OR51B5: variants seen among roughly 807,000 people sequenced by gnomAD.
The protein encoded by OR51B5 is olfactory receptor family 51 subfamily B member 5.
For missense variants in OR51B5, 456 were observed against 374.6 expected (o/e 1.22, Z -1.79); for synonymous variants, 186 against 144.8 (o/e 1.28, Z -2.04).
chr11:5,389,977 C>T (rs1160728715), intron 1 of OR51B5: 2 of 1,612,382 alleles, frequency 1.2e-6, no homozygotes, highest in Admixed American at 1.7e-5. Flanking sequence ...TTTGCCTGCA[C>T]CAGGAAGTGA....
chr11:5,429,217 C>G (rs1850495398), intron 1 of OR51B5, among the ~76,000 whole-genome samples: 1 of 144,036 alleles, frequency 6.9e-6, no homozygotes, highest in African/African-American at 2.5e-5. Context: ...CTTGAAAAAC[C>G]CCAGCCTTTG....
chr11:5,480,845 C>A (rs1851407940), intron 1 of OR51B5, among the ~76,000 whole-genome samples: 1 of 107,670 alleles, frequency 9.3e-6, no homozygotes, highest in Non-Finnish European at 2.0e-5. Flanking sequence ...ATAACAGGAG[C>A]TGAAATTGTG....
chr11:5,358,232 T>G (rs1399649056), intron 1 of OR51B5, among the ~76,000 whole-genome samples: 1 of 151,738 alleles, frequency 6.6e-6, no homozygotes, highest in African/African-American at 2.4e-5. Flanking sequence ...TCAACAAAAT[T>G]GATAGACTGC....
upstream of OR51B5, among the ~76,000 whole-genome samples, chr11:5,345,385 AAAACTT>A (rs578107229): frequency 1.3e-3 from 203 of 152,210 alleles, 2 homozygotes; most frequent in East Asian, 0.018. Context: ...GAAAAATAGA[AAAACTT>A]AAACAGAGAC....
chr11:5,404,046 A>G (rs1230297022), intron 1 of OR51B5, among the ~76,000 whole-genome samples: 2 of 151,586 alleles, frequency 1.3e-5, no homozygotes, highest in East Asian at 3.9e-4. Context: ...CAAGGCCCCA[A>G]CTTGGAAGTC....
intron 1 of OR51B5, among the ~76,000 whole-genome samples, chr11:5,395,746 C>T (rs1261169554): frequency 6.6e-6 from 1 of 152,178 alleles, no homozygotes; most frequent in Non-Finnish European, 1.5e-5. Context: ...TAGAAAGATT[C>T]AGTAACTTTG....
intron 1 of OR51B5, among the ~76,000 whole-genome samples, chr11:5,361,139 A>G (rs940740846): frequency 7.6e-6 from 1 of 131,404 alleles, no homozygotes; most frequent in African/African-American, 2.8e-5. Flanking sequence ...TTAAAGTATA[A>G]TAATAAAAGA....
At chr11:5,497,828 C>T (rs1249617459) in intron 1 of OR51B5, among the ~76,000 whole-genome samples, 1 of 152,186 alleles carries the variant, frequency 6.6e-6, no homozygotes, top group Non-Finnish European at 1.5e-5. Flanking sequence ...TGCCATCACA[C>T]ACAGTCTTAG....
At chr11:5,401,125 G>A (rs1589975730) in intron 1 of OR51B5, among the ~76,000 whole-genome samples, 1 of 152,236 alleles carries the variant, frequency 6.6e-6, no homozygotes, top group African/African-American at 2.4e-5. Flanking sequence ...AATCCAGGCA[G>A]GTGGTTTTCT....
chr11:5,426,473 A>G (rs1850452109), intron 1 of OR51B5, among the ~76,000 whole-genome samples: 1 of 152,194 alleles, frequency 6.6e-6, no homozygotes, highest in South Asian at 2.1e-4. Flanking sequence ...CCACACTGAA[A>G]TAATTCCGGG....
chr11:5,421,674 A>G (rs897054237), intron 1 of OR51B5, among the ~76,000 whole-genome samples: 1 of 152,222 alleles, frequency 6.6e-6, no homozygotes, highest in Admixed American at 6.5e-5. Flanking sequence ...ACCTTAATGA[A>G]TGAAAAAATT....
At chr11:5,446,034 T>A (rs1029596131) in intron 1 of OR51B5, among the ~76,000 whole-genome samples, 3 of 151,902 alleles carry the variant, frequency 2.0e-5, no homozygotes, top group African/African-American at 7.3e-5. Flanking sequence ...ATGTTCTCAC[T>A]CATAGGTGGG....
rs1850202731 is a variant in OR51B5 at position 5,414,413 on chromosome 11, AT to A, written n.85-67504del. Among the ~76,000 whole-genome samples, 19 of 149,906 alleles carry A rather than the reference AT, an allele frequency of 1.3e-4. No individual in the cohort carries two copies. The South Asian group carries it at 4.2e-3, about 33-fold the overall frequency. ...AACCAGCTAACATCATAATGACAGG[AT>A]CAAATTCACACATAACAATATTAAC... On this transcript the variant is annotated intron_variant and non_coding_transcript_variant, in intron 1 of 4. Transcript: ENST00000415970.
chr11:5,439,577 A>T (rs1850644294), intron 1 of OR51B5, among the ~76,000 whole-genome samples: 1 of 152,160 alleles, frequency 6.6e-6, no homozygotes, highest in African/African-American at 2.4e-5. Flanking sequence ...TTAAAACACA[A>T]ACTTCTTGGT....
intron 1 of OR51B5, among the ~76,000 whole-genome samples, chr11:5,375,391 G>A (rs4528362): frequency 0.075 from 10,554 of 141,218 alleles, 554 homozygotes; most frequent in Non-Finnish European, 0.098. Context: ...GCCAAAATGT[G>A]AAGACCATCA....
chr11:5,433,498 T>A (rs537102398), intron 1 of OR51B5, among the ~76,000 whole-genome samples: 7 of 152,306 alleles, frequency 4.6e-5, no homozygotes, highest in African/African-American at 1.7e-4. Flanking sequence ...ATCCTCTGGT[T>A]ACCCAGTGTT....
intron 1 of OR51B5, among the ~76,000 whole-genome samples, chr11:5,396,692 G>C (rs545271146): frequency 0.025 from 3,855 of 151,740 alleles, 157 homozygotes; most frequent in African/African-American, 0.085. Context: ...TCACAGAATT[G>C]GAAAAAACTA....
chr11:5,461,759 G>C (rs573446273), intron 1 of OR51B5, among the ~76,000 whole-genome samples: 1 of 152,284 alleles, frequency 6.6e-6, no homozygotes, highest in South Asian at 2.1e-4. Context: ...GCAAGAGTGG[G>C]TCACTACATG....
chr11:5,418,718 G>C (rs1039219208), intron 1 of OR51B5, among the ~76,000 whole-genome samples: 1 of 149,738 alleles, frequency 6.7e-6, no homozygotes, highest in South Asian at 2.2e-4. Flanking sequence ...TCACACACCC[G>C]AGCCTATCGG....
Sources: allele counts gnomAD v4.1 joint callset (sites outside exome capture counted in the v4.1 genomes callset), GRCh38; gene constraint gnomAD v4.1.1; transcripts MANE v1.5; gene names NCBI Gene and HGNC (gene_info 2026-07-23, HGNC 2026-07-21).